TENM3: variants seen among roughly 807,000 people sequenced by gnomAD.
TENM3 encodes teneurin transmembrane protein 3.
TENM3 carries 63 observed loss-of-function variants against 255.1 expected under a neutral mutation model. The observed-to-expected ratio is 0.25, with a 90% CI of 0.20 to 0.30. TENM3 has a LOEUF of 0.30. Ranked by LOEUF, TENM3 falls within the 10% of genes least tolerant of loss-of-function variation. TENM3 has a pLI of 1.00. For synonymous variants in TENM3, 1,306 were observed against 1,322.3 expected, an observed-to-expected ratio of 0.99 and a Z score of 0.27; for missense variants, 2,929 against 3,461.1, an observed-to-expected ratio of 0.85 and a Z score of 3.86.
At chr4:182,368,684 C>T (rs575294394) in intron 3 of TENM3, among the ~76,000 whole-genome samples, 2 of 152,164 alleles carry the variant, frequency 1.3e-5, no homozygotes, top group Non-Finnish European at 2.9e-5. Context: ...GGATAAAAAC[C>T]GATGTAAAGG....
At chr4:182,765,573 A>G (rs1763642855) in intron 22 of TENM3, among the ~76,000 whole-genome samples, 2 of 152,088 alleles carry the variant, frequency 1.3e-5, no homozygotes, top group Non-Finnish European at 2.9e-5. Context: ...AGTAGGTAAC[A>G]TCTTAGTCTC....
the TENM3 span, among the ~76,000 whole-genome samples, chr4:181,521,140 T>C: frequency 6.6e-6 from 1 of 152,226 alleles, no homozygotes; most frequent in Non-Finnish European, 1.5e-5. Context: ...TGAGCAGCCA[T>C]GGGCTAAAGC....
intron 2 of TENM3, among the ~76,000 whole-genome samples, chr4:182,327,159 C>G (rs192071741): frequency 1.3e-5 from 2 of 152,178 alleles, no homozygotes; most frequent in Non-Finnish European, 2.9e-5. Context: ...TTTTTTCTCA[C>G]GGACTATTAT....
At chr4:181,589,578 C>G in the TENM3 span, among the ~76,000 whole-genome samples, 1 of 152,122 alleles carries the variant, frequency 6.6e-6, no homozygotes, top group Non-Finnish European at 1.5e-5. Context: ...TACCTCTACA[C>G]TTTTAGGAAT....
At chr4:181,563,332 G>A in the TENM3 span, among the ~76,000 whole-genome samples, 3 of 152,130 alleles carry the variant, frequency 2.0e-5, no homozygotes, top group African/African-American at 7.2e-5. Context: ...ATCTGTACTA[G>A]GTTTTCTCAC....
the TENM3 span, among the ~76,000 whole-genome samples, chr4:181,576,157 A>C: frequency 0.013 from 2,040 of 152,250 alleles, 36 homozygotes; most frequent in Non-Finnish European, 0.017. Context: ...TGCTACGGCC[A>C]TATGTACACA....
intron 3 of TENM3, among the ~76,000 whole-genome samples, chr4:182,583,400 A>G (rs748966174): frequency 7.3e-5 from 11 of 151,636 alleles, no homozygotes; most frequent in Non-Finnish European, 1.6e-4. Context: ...AATATTATAT[A>G]GAGAGATTTA....
chr4:182,602,751 G>A (rs1053050322), intron 4 of TENM3, among the ~76,000 whole-genome samples: 6 of 152,036 alleles, frequency 3.9e-5, no homozygotes, highest in African/African-American at 1.4e-4. Context: ...TAGCACAGAC[G>A]TAAATTTACC....
rs543654328 is a variant in TENM3 at position 182,639,668 on chromosome 4, A to G, written c.988+10779A>G. 6.6e-5 allele frequency among the ~76,000 whole-genome samples: 10 copies of G among 152,342 alleles called. No homozygotes were observed. In the South Asian group the frequency reaches 1.9e-3, roughly 28 times the overall value. On this transcript the variant is annotated intron_variant, in intron 5 of 27. Coordinates refer to ENST00000511685, the MANE Select transcript of TENM3 (RefSeq NM_001080477.4). The stretch of plus-strand genomic sequence containing the variant: ...AACATGAACTGAAGAATAAATAACA[A>G]TGAAAGACAAAATGAGAAATGAATT...
chr4:182,036,023 T>C, the TENM3 span, among the ~76,000 whole-genome samples: 1 of 152,090 alleles, frequency 6.6e-6, no homozygotes, highest in African/African-American at 2.4e-5. Flanking sequence ...TGGAAGATTC[T>C]CCATCCCAGC....
rs534972467 is a variant in TENM3 at position 182,475,174 on chromosome 4, T to A, written c.512-125750T>A. The stretch of plus-strand genomic sequence containing the variant: ...TGGAATAGGAGGACTCCTTTAGTGG[T>A]AGGTTACCCCCTGGTTTGGTATCTT... On this transcript the variant is annotated intron_variant, in intron 3 of 27. Coordinates refer to ENST00000511685, the MANE Select transcript of TENM3 (RefSeq NM_001080477.4). 2.6e-5 allele frequency among the ~76,000 whole-genome samples: 4 copies of A among 152,308 alleles called. No homozygotes were observed. In the South Asian group the frequency reaches 8.3e-4, roughly 32 times the overall value.
intron 3 of TENM3, among the ~76,000 whole-genome samples, chr4:182,549,748 A>G (rs191004746): frequency 3.6e-4 from 55 of 152,338 alleles, no homozygotes; most frequent in Non-Finnish European, 7.8e-4. Context: ...TAATAATACA[A>G]AGAAACATAG....
intron 12 of TENM3, among the ~76,000 whole-genome samples, chr4:182,708,797 C>CA (rs530056176): frequency 0.46 from 47,895 of 104,018 alleles, 9,267 homozygotes; most frequent in Middle Eastern, 0.52. Context: ...GACTCCGTCT[C>CA]AAAAAAAAAA....
chr4:182,552,492 C>A (rs186841014), intron 3 of TENM3, among the ~76,000 whole-genome samples: 2 of 152,120 alleles, frequency 1.3e-5, no homozygotes, highest in Non-Finnish European at 2.9e-5. Flanking sequence ...ATTAGTTGAA[C>A]CTTTATCTGA....
the TENM3 span, among the ~76,000 whole-genome samples, chr4:181,471,106 C>T: frequency 2.0e-5 from 3 of 152,068 alleles, no homozygotes; most frequent in African/African-American, 7.2e-5. Context: ...ACTGGCATGA[C>T]AAATTATCTT....
chr4:182,322,664 C>T (rs1400920095), intron 1 of TENM3, among the ~76,000 whole-genome samples: 1 of 152,188 alleles, frequency 6.6e-6, no homozygotes, highest in African/African-American at 2.4e-5. Flanking sequence ...GATGTGTATA[C>T]TGACAGTGCA....
chr4:181,835,886 T>C, the TENM3 span, among the ~76,000 whole-genome samples: 1 of 152,216 alleles, frequency 6.6e-6, no homozygotes, highest in African/African-American at 2.4e-5. Flanking sequence ...GGAACATTTT[T>C]TTTTCTTCCA....
chr4:181,672,739 T>C, the TENM3 span, among the ~76,000 whole-genome samples: 1 of 152,214 alleles, frequency 6.6e-6, no homozygotes, highest in Non-Finnish European at 1.5e-5. Flanking sequence ...CTTCCCTTTA[T>C]ATGTGCCAGG....
At chr4:181,811,688 A>G in the TENM3 span, among the ~76,000 whole-genome samples, 2 of 152,154 alleles carry the variant, frequency 1.3e-5, no homozygotes, top group East Asian at 1.9e-4. Context: ...GTGCAGGGGA[A>G]CTCCTACTTA....
Sources: gnomAD v4.1 joint callset for allele counts (sites outside exome capture counted in the v4.1 genomes callset) on GRCh38, gnomAD v4.1.1 for gene constraint, MANE v1.5 for transcripts, NCBI Gene and HGNC (gene_info 2026-07-23, HGNC 2026-07-21) for gene names.